The following PCGF3 variants were observed in gnomAD, a reference collection of about 807,000 sequenced individuals.
PCGF3 encodes polycomb group RING finger protein 3.
Under a neutral mutation model 33.1 loss-of-function variants are expected in PCGF3, and 7 were observed. That is an observed-to-expected ratio of 0.21 (90% confidence interval 0.12 to 0.40). PCGF3 has a LOEUF of 0.40. Among genes scored for constraint, PCGF3 ranks in the 10% least tolerant of loss-of-function variants. The probability of loss-of-function intolerance (pLI) is 1.00; values close to 1 mark genes in which losing one functional copy is unlikely to be tolerated. For synonymous variants in PCGF3, 153 were observed against 121.3 expected (o/e 1.26, Z -1.72); for missense variants, 211 against 313.3 (o/e 0.67, Z 2.46).
rs760614448 is a variant in PCGF3 at position 761,427 on chromosome 4, A to G, written c.600+11A>G. On this transcript the variant is annotated intron_variant, in intron 9 of 10. Transcript: ENST00000362003. ...TCATCCTTTAACGAGGTAACAGTTG[A>G]TCCCTAAGTAGAAACCATAACAAGT... The G allele has an allele frequency of 1.3e-6, 2 of 1,591,114 alleles. No homozygotes were observed. The highest frequency in any genetic ancestry group is 2.7e-5 in the African/African-American group (2 of 74,150).
chr4:748,812 C>T (rs1375245820), intron 8 of PCGF3, among the ~76,000 whole-genome samples: 1 of 151,888 alleles, frequency 6.6e-6, no homozygotes, highest in East Asian at 1.9e-4. Flanking sequence ...CGCGGAGGCC[C>T]CTGGGTCTTT....
At chr4:764,897 C>T in intron 9 of PCGF3, 87 bp from the exon 10 acceptor site, 2 of 853,452 alleles carry the variant, frequency 2.3e-6, no homozygotes, top group Admixed American at 1.9e-5. Flanking sequence ...TGGGGAGGGG[C>T]TGCAGATTTC....
intron 8 of PCGF3, among the ~76,000 whole-genome samples, chr4:752,613 TGGGGTCCTGAGTGTCCGCTGG>T (rs1744572021): frequency 1.3e-5 from 2 of 152,024 alleles, no homozygotes; most frequent in African/African-American, 4.8e-5. Context: ...TGCCCTGAGC[TGGGGTCCTGAGTGTCCGCTGG>T]GACTCGGGGG....
At chr4:742,434 A>G (rs1744135691) in intron 6 of PCGF3, among the ~76,000 whole-genome samples, 1 of 152,218 alleles carries the variant, frequency 6.6e-6, no homozygotes. Context: ...AGTTTGGTGA[A>G]GAATTCCTTG....
At chr4:726,625 T>TA (rs1361012602) in intron 1 of PCGF3, among the ~76,000 whole-genome samples, 1 of 152,194 alleles carries the variant, frequency 6.6e-6, no homozygotes, top group South Asian at 2.1e-4. Flanking sequence ...ATACCCTCCT[T>TA]AGCAACCTCC....
At chr4:716,189 G>A (rs1340978155) in intron 1 of PCGF3, among the ~76,000 whole-genome samples, 1 of 112,746 alleles carries the variant, frequency 8.9e-6, no homozygotes, top group African/African-American at 3.0e-5. Flanking sequence ...CTGGAACCCT[G>A]TAGACACTTA....
At chr4:712,663 G>T (rs1742626162) in intron 1 of PCGF3, among the ~76,000 whole-genome samples, 1 of 152,080 alleles carries the variant, frequency 6.6e-6, no homozygotes, top group Non-Finnish European at 1.5e-5. Context: ...GGCCAGGCTG[G>T]TCTCAAACTC....
At chr4:734,313 C>T (rs1327112924) in intron 4 of PCGF3, 17 of 1,444,188 alleles carry the variant, frequency 1.2e-5, no homozygotes, top group Non-Finnish European at 1.6e-5. Flanking sequence ...CCTGAGGCCC[C>T]ATGGCTGGCG....
chr4:763,705 C>CT (rs1159818948), intron 9 of PCGF3, among the ~76,000 whole-genome samples: 1 of 152,322 alleles, frequency 6.6e-6, no homozygotes, highest in East Asian at 1.9e-4. Context: ...GCAGCCACAC[C>CT]TCGTCATTTA....
intron 4 of PCGF3, chr4:734,531 G>A (rs1743751546): frequency 1.7e-6 from 2 of 1,184,918 alleles, no homozygotes; most frequent in Non-Finnish European, 1.0e-6. Context: ...CATATTTTAT[G>A]TTAGGTTATT....
At chr4:724,796 T>TCA (rs376103112) in intron 1 of PCGF3, among the ~76,000 whole-genome samples, 37 of 151,646 alleles carry the variant, frequency 2.4e-4, no homozygotes, top group African/African-American at 7.3e-4. Context: ...AGATTCCGTC[T>TCA]CACACACACA....
At chr4:752,675 G>A (rs1391175479) in intron 8 of PCGF3, among the ~76,000 whole-genome samples, 2 of 152,210 alleles carry the variant, frequency 1.3e-5, no homozygotes, top group African/African-American at 2.4e-5. Context: ...GGGATACAGG[G>A]GCTCTACATG....
Position 712,116 on chromosome 4 carries a change from A to G in PCGF3, c.-190+6146A>G, listed in dbSNP as rs1213428857. 2.0e-5 allele frequency among the ~76,000 whole-genome samples: 3 copies of G among 152,328 alleles called. No homozygotes were observed. The East Asian group carries it at 5.8e-4, about 29-fold the overall frequency. On this transcript the variant is annotated intron_variant, in intron 1 of 10. Coordinates refer to ENST00000362003, the Ensembl canonical transcript of PCGF3. The stretch of plus-strand genomic sequence containing the variant: ...TATGGTACAATTCATTGTGCTTCAA[A>G]AATTGAAATTATTTTTAATTTCATA...
chr4:736,577 G>T, intron 5 of PCGF3, among the ~76,000 whole-genome samples: 1 of 113,254 alleles, frequency 8.8e-6, no homozygotes, highest in East Asian at 2.5e-4. Context: ...TCCCCTGAGC[G>T]CACAGGATGC....
chr4:744,494 C>T (rs1031367328), intron 7 of PCGF3, 106 bp from the exon 8 acceptor site: 3 of 838,188 alleles, frequency 3.6e-6, no homozygotes, highest in Admixed American at 4.5e-5. Context: ...GGTCCAGAGT[C>T]TCTTAATGGA....
intron 10 of PCGF3, among the ~76,000 whole-genome samples, chr4:765,452 T>C (rs879798838): frequency 6.7e-6 from 1 of 148,850 alleles, no homozygotes; most frequent in Non-Finnish European, 1.5e-5. Context: ...AAAAAAGTGA[T>C]GACTCAGCTA....
chr4:729,425 AAAG>A (rs975469565), intron 1 of PCGF3, among the ~76,000 whole-genome samples: 1 of 151,868 alleles, frequency 6.6e-6, no homozygotes, highest in Non-Finnish European at 1.5e-5. Flanking sequence ...AAAAAAAAAA[AAAG>A]AAATAATAAT....
At chr4:758,117 G>A (rs1352215784) in intron 8 of PCGF3, among the ~76,000 whole-genome samples, 2 of 141,868 alleles carry the variant, frequency 1.4e-5, no homozygotes, top group African/African-American at 2.7e-5. Context: ...GCAGTGAGCC[G>A]AGATCGTGCC....
At chr4:737,797 G>C (rs1279485095) in intron 6 of PCGF3, among the ~76,000 whole-genome samples, 1 of 152,178 alleles carries the variant, frequency 6.6e-6, no homozygotes, top group Non-Finnish European at 1.5e-5. Flanking sequence ...CGCAGCTCCT[G>C]CCCCTCCCAG....
Sources: allele counts gnomAD v4.1 joint callset (sites outside exome capture counted in the v4.1 genomes callset), GRCh38; gene constraint gnomAD v4.1.1; transcripts MANE v1.5; gene names NCBI Gene and HGNC (gene_info 2026-07-23, HGNC 2026-07-21).